EFCAB8: variants seen among roughly 807,000 people sequenced by gnomAD.
The protein encoded by EFCAB8 is EF-hand calcium-binding domain-containing protein 8.
EFCAB8 carries 100 observed loss-of-function variants against 116.3 expected under a neutral mutation model. The ratio of observed to expected loss-of-function variants is 0.86; its 90% CI spans 0.73 to 1.02. The LOEUF (loss-of-function observed/expected upper bound fraction) is 1.02. EFCAB8 is among the 50% of genes least tolerant of loss of function. The probability of loss-of-function intolerance (pLI) is 0.00; values close to 1 mark genes in which losing one functional copy is unlikely to be tolerated. For missense variants in EFCAB8, 1,320 were observed against 1,416.9 expected (o/e 0.93, Z 1.10); for synonymous variants, 558 against 567.9 (o/e 0.98, Z 0.25).
intron 5 of EFCAB8, among the ~76,000 whole-genome samples, chr20:32,881,489 A>G (rs576505878): frequency 6.6e-6 from 1 of 152,290 alleles, no homozygotes; most frequent in African/African-American, 2.4e-5. Flanking sequence ...GAGCCACCGC[A>G]TCCAGCCAGT....
At chr20:32,905,759 CAAAA>C (rs571052063) in intron 11 of EFCAB8, among the ~76,000 whole-genome samples, 6 of 71,502 alleles carry the variant, frequency 8.4e-5, no homozygotes, top group African/African-American at 2.2e-4. Flanking sequence ...GACTCCATCT[CAAAA>C]AAAAAAAAAA....
intron 20 of EFCAB8, among the ~76,000 whole-genome samples, chr20:32,929,102 A>C (rs1987784541): frequency 6.6e-6 from 1 of 151,870 alleles, no homozygotes; most frequent in South Asian, 2.1e-4. Context: ...GATAATTTTT[A>C]AATATCAGTG....
intron 4 of EFCAB8, among the ~76,000 whole-genome samples, chr20:32,877,715 G>T (rs1230468248): frequency 6.6e-6 from 1 of 152,208 alleles, no homozygotes; most frequent in Admixed American, 6.5e-5. Flanking sequence ...TCCAGCAGCT[G>T]GGCAGTGGAA....
At chr20:32,877,282 C>G (rs1985029709) in intron 4 of EFCAB8, among the ~76,000 whole-genome samples, 1 of 133,350 alleles carries the variant, frequency 7.5e-6, no homozygotes, top group Non-Finnish European at 1.6e-5. Flanking sequence ...GATCTTGGCT[C>G]TTTGCAACCT....
rs1987368086 is a variant in EFCAB8 at position 32,919,941 on chromosome 20, G to A, written c.2275-137G>A. On this transcript the variant is annotated intron_variant, in intron 19 of 26. Transcript: ENST00000400522. ...TGGAGGTTTCCGGGATCCACTGAGCGCTGCTTTTCCCAGGCCAGTGTACCT... is the reference window on the plus strand; with the variant it reads ...TGGAGGTTTCCGGGATCCACTGAGCACTGCTTTTCCCAGGCCAGTGTACCT... 1.4e-5 allele frequency: 16 copies of A among 1,138,122 alleles called. No individual in the cohort carries two copies. The East Asian group carries it at 2.9e-4, about 20-fold the overall frequency. The allele number at this position is 1,138,122 out of a possible 1,614,324, so 70.5% of individuals were successfully genotyped here.
intron 23 of EFCAB8, among the ~76,000 whole-genome samples, chr20:32,955,523 G>T (rs1309016489): frequency 6.6e-6 from 1 of 152,036 alleles, no homozygotes; most frequent in African/African-American, 2.4e-5. Flanking sequence ...TTGGGGAACA[G>T]AACAATACCC....
chr20:32,897,301 C>T (rs1018096238), intron 10 of EFCAB8, among the ~76,000 whole-genome samples: 2 of 152,138 alleles, frequency 1.3e-5, no homozygotes, highest in Non-Finnish European at 2.9e-5. Flanking sequence ...TCAACGGCAG[C>T]GGCTTCGTGC....
Position 32,959,777 on chromosome 20 carries a change from G to A in EFCAB8, c.3090-1G>A. On this transcript the variant is annotated splice_acceptor_variant, in intron 24 of 26. Coordinates refer to ENST00000400522, the MANE Select transcript of EFCAB8 (RefSeq NM_001143967.2). LOFTEE classifies it high-confidence loss of function. ...CTTGTGAAGGAAAGCCCCCACACTA[G>A]GGAGCAGCGGGATCTGGCTGAGGCC... 6.7e-7 allele frequency: 1 copy of A among 1,482,172 alleles called. No individual in the cohort carries two copies. The highest frequency in any genetic ancestry group is 9.0e-7 in the Non-Finnish European group (1 of 1,112,046). The allele number at this position is 1,482,172 out of a possible 1,614,324, so 91.8% of individuals were successfully genotyped here. A position where few individuals can be genotyped will look rare whatever the true frequency, so the allele number is the denominator to read the frequency against.
chr20:32,889,221 G>T, intron 6 of EFCAB8, 80 bp from the exon 7 acceptor site: 1 of 1,260,356 alleles, frequency 7.9e-7, no homozygotes, highest in Non-Finnish European at 1.1e-6. Context: ...CAGGCCTTGT[G>T]TGGCAGGAGA....
intron 8 of EFCAB8, 44 bp from the exon 9 acceptor site, chr20:32,893,130 C>A (rs62208906): frequency 8.8e-5 from 136 of 1,549,750 alleles, no homozygotes; most frequent in Non-Finnish European, 1.2e-4. Flanking sequence ...TGTGAGCCAC[C>A]GCGCCCAGCC....
At chr20:32,888,223 C>A (rs545999476) in intron 6 of EFCAB8, among the ~76,000 whole-genome samples, 2 of 151,966 alleles carry the variant, frequency 1.3e-5, no homozygotes, top group East Asian at 3.9e-4. Context: ...ACCACCGTGT[C>A]CAGCTAATTT....
chr20:32,958,365 G>A (rs1014671910), intron 23 of EFCAB8, 56 bp from the exon 24 acceptor site: 3 of 415,850 alleles, frequency 7.2e-6, no homozygotes, highest in East Asian at 3.6e-5. Context: ...AGGGGCAGAG[G>A]GCATGGAGGA....
At chr20:32,929,375 C>A (rs904350270) in intron 20 of EFCAB8, among the ~76,000 whole-genome samples, 1 of 152,058 alleles carries the variant, frequency 6.6e-6, no homozygotes, top group African/African-American at 2.4e-5. Context: ...GCAGGTTGAA[C>A]AACTAATTTC....
chr20:32,907,088 C>T (rs1986715051), intron 13 of EFCAB8, 94 bp downstream of exon 13: 2 of 1,439,410 alleles, frequency 1.4e-6, no homozygotes, highest in Non-Finnish European at 1.8e-6. Context: ...GGCCCCACAT[C>T]TGGCCAAAGG....
intron 5 of EFCAB8, among the ~76,000 whole-genome samples, chr20:32,883,170 G>A (rs1985428328): frequency 6.6e-6 from 1 of 152,150 alleles, no homozygotes; most frequent in African/African-American, 2.4e-5. Flanking sequence ...GGCCTCTGTA[G>A]GCCCCATTAG....
In EFCAB8 at chr20:32,918,499, G is replaced by A. The variant is rs1235149787; in HGVS notation, c.2199G>A (p.Arg733=). 3.9e-6 allele frequency: 6 copies of A among 1,551,712 alleles called. No individual in the cohort carries two copies. Among genetic ancestry groups the A allele is most frequent in the Non-Finnish European group, 5.2e-6 (6 of 1,146,998 alleles). The part of the protein sequence containing the change: ...SPESVANTNL[R]RSLVSAPPVM... Reference sequence around the variant, plus strand: ...AGTCTGTGGCCAATACCAACCTGAGGCGGAGCCTGGTGTCGGCTCCCCCAG... The same window carrying A: ...AGTCTGTGGCCAATACCAACCTGAGACGGAGCCTGGTGTCGGCTCCCCCAG... Residue 733 remains arginine, a synonymous_variant, in exon 19 of 27, where the codon AGG becomes AGA. Coordinates refer to ENST00000400522, the MANE Select transcript of EFCAB8 (RefSeq NM_001143967.2).
chr20:32,914,871 A>C (rs576498633), intron 17 of EFCAB8, among the ~76,000 whole-genome samples: 2 of 151,976 alleles, frequency 1.3e-5, no homozygotes, highest in South Asian at 4.1e-4. Flanking sequence ...TTCTATATGG[A>C]TAGGATGAAT....
chr20:32,942,489 CCA>C (rs1321556748), intron 22 of EFCAB8, among the ~76,000 whole-genome samples: 2 of 151,502 alleles, frequency 1.3e-5, no homozygotes, highest in Non-Finnish European at 2.9e-5. Flanking sequence ...CAGTTCGAGA[CCA>C]GCCTGGGCAA....
At chr20:32,911,761 C>G in intron 16 of EFCAB8, 54 bp downstream of exon 16, 1 of 1,508,888 alleles carries the variant, frequency 6.6e-7, no homozygotes. Flanking sequence ...AAGCAAAGCA[C>G]AGCTCCTTTG....
Sources: allele counts gnomAD v4.1 joint callset (sites outside exome capture counted in the v4.1 genomes callset), GRCh38; gene constraint gnomAD v4.1.1; transcripts MANE v1.5; gene names NCBI Gene and HGNC (gene_info 2026-07-23, HGNC 2026-07-21).